SPIRE2: variants seen among roughly 807,000 people sequenced by gnomAD.
SPIRE2 encodes spire type actin nucleation factor 2.
A neutral mutation model predicts 80.7 loss-of-function variants in SPIRE2; 76 were observed. The ratio of observed to expected loss-of-function variants is 0.94; its 90% CI spans 0.78 to 1.14. The LOEUF (loss-of-function observed/expected upper bound fraction) is 1.14. Among genes scored for constraint, SPIRE2 ranks in the 50% most tolerant of loss-of-function variants. The probability of loss-of-function intolerance (pLI) is 0.00; values close to 1 mark genes in which losing one functional copy is unlikely to be tolerated. For missense variants in SPIRE2, 1,196 were observed against 1,015.3 expected (o/e 1.18, Z -2.42); for synonymous variants, 535 against 432.6 (o/e 1.24, Z -2.94).
intron 10 of SPIRE2, among the ~76,000 whole-genome samples, chr16:89,861,301 C>T (rs1002142715): frequency 3.9e-5 from 6 of 152,190 alleles, no homozygotes; most frequent in African/African-American, 7.2e-5. Context: ...GGGGAGTGTG[C>T]GGCCCGTGGG....
chr16:89,834,356 A>G (rs866453806), intron 1 of SPIRE2, among the ~76,000 whole-genome samples: 25 of 90,864 alleles, frequency 2.8e-4, no homozygotes, highest in South Asian at 4.4e-4. Flanking sequence ...GCCTGTGCTC[A>G]CGGTTGGCCG....
At chr16:89,865,031 G>C (rs2041777334) in intron 12 of SPIRE2, among the ~76,000 whole-genome samples, 1 of 147,158 alleles carries the variant, frequency 6.8e-6, no homozygotes, top group African/African-American at 2.5e-5. Flanking sequence ...TTTTGAGAAG[G>C]AGTCTCGCTC....
At chr16:89,829,341 A>G (rs919500275) in intron 1 of SPIRE2, among the ~76,000 whole-genome samples, 2 of 152,226 alleles carry the variant, frequency 1.3e-5, no homozygotes, top group East Asian at 3.8e-4. Flanking sequence ...ATTCTTAACC[A>G]TCAACCAGAA....
At chr16:89,843,339 C>T (rs981125653) in intron 1 of SPIRE2, among the ~76,000 whole-genome samples, 3 of 152,164 alleles carry the variant, frequency 2.0e-5, no homozygotes, top group Non-Finnish European at 4.4e-5. Context: ...CGGCAAAAGG[C>T]AGGTTCGCTC....
Position 89,850,609 on chromosome 16 carries a change from G to T in SPIRE2, c.594G>T (p.Val198=). 1 of 1,517,754 alleles carries T rather than the reference G, an allele frequency of 6.6e-7. No homozygotes were observed. The highest frequency in any genetic ancestry group is 8.8e-7 in the Non-Finnish European group (1 of 1,139,032). The allele number at this position is 1,517,754 out of a possible 1,614,324, so 94.0% of individuals were successfully genotyped here. ...HYQAVCRALF[V]ETLELRAFLA... is the part of the protein sequence containing the mutation. ...AGGCCGTGTGCCGCGCGCTCTTCGTGGAGACGCTGGAGCTGCGGGCCTTCC... is the reference window on the plus strand; with the variant it reads ...AGGCCGTGTGCCGCGCGCTCTTCGTTGAGACGCTGGAGCTGCGGGCCTTCC... The change falls in exon 3 of 15, where the codon GTG becomes GTT. Residue 198 remains valine, a synonymous_variant. Transcript: ENST00000378247.
Position 89,828,775 on chromosome 16 carries a change from G to A in SPIRE2, c.225G>A (p.Ala75=). Residue 75 remains alanine (A), a synonymous_variant, in exon 1 of 15, where the codon GCG becomes GCA. Transcript: ENST00000378247. This position sits in a 1 kb window ranked among gnomAD's most constrained non-coding sequence, Gnocchi z 5.9. ...TGCGCGGGGACGGCTCGGTCGGGGC[G>A]CGGGAGCCCGAGGCCGCGGGTGAGG... ...LLLRGDGSVG[A]REPEAAEPAT... The A allele has an allele frequency of 2.5e-6, 3 of 1,185,922 alleles. No homozygotes were observed. Among genetic ancestry groups the A allele is most frequent in the Non-Finnish European group, 3.1e-6 (3 of 958,618 alleles). 73.5% of individuals were successfully genotyped at this position (1,185,922 alleles called of 1,614,324 possible).
rs1424199016 is a variant in SPIRE2, at chr16:89,863,693, T to G, written c.1710+83T>G. 6.2e-7 allele frequency: 1 copy of G among 1,611,820 alleles called. No homozygotes were observed. Among genetic ancestry groups the G allele is most frequent in the Non-Finnish European group, 8.5e-7 (1 of 1,178,196 alleles). ...GAGAGGGCCAGTTCCCAGGACTGTT[T>G]GCTCATGATCTGGTTGGGAGCCCTG... On this transcript the variant is annotated intron_variant, in intron 11 of 14. Transcript: ENST00000378247. This position sits in a 1 kb window ranked among gnomAD's most constrained non-coding sequence, Gnocchi z 4.3.
At chr16:89,840,040 A>G (rs994775492) in intron 1 of SPIRE2, among the ~76,000 whole-genome samples, 2 of 152,198 alleles carry the variant, frequency 1.3e-5, no homozygotes, top group Non-Finnish European at 2.9e-5. Flanking sequence ...CAGTAGCCAC[A>G]GGTTGGTCAG....
At chr16:89,864,068 C>G (rs1288740865) in intron 12 of SPIRE2, among the ~76,000 whole-genome samples, 1 of 152,096 alleles carries the variant, frequency 6.6e-6, no homozygotes, top group Non-Finnish European at 1.5e-5. Flanking sequence ...CTAAGCAACT[C>G]CCAGTTTCAG....
chr16:89,865,524 A>G (rs571014056), intron 12 of SPIRE2, among the ~76,000 whole-genome samples: 2 of 152,330 alleles, frequency 1.3e-5, no homozygotes, highest in Admixed American at 1.3e-4. Flanking sequence ...TTAATCCAAA[A>G]AAAGGTAGGA....
chr16:89,855,671 G>A lies in SPIRE2; in HGVS notation c.963G>A (p.Arg321=), dbSNP rs755673083. 3 of 1,612,798 alleles carry A rather than the reference G, an allele frequency of 1.9e-6. No homozygotes were observed. The Admixed American group carries it at 5.0e-5, about 27-fold the overall frequency. ...HELILDFIRS[R]PPLKQVSERR... is the part of the protein sequence containing the mutation. ...TCATCCTGGACTTTATCCGCTCACG[G>A]CCTCCACTGAAGCAGGTGCTGCCCC... The change falls in exon 6 of 15, where the codon CGG becomes CGA. Residue 321 remains arginine (R), a synonymous_variant. Coordinates refer to ENST00000378247, the MANE Select transcript of SPIRE2 (RefSeq NM_032451.2).
chr16:89,833,194 G>C (rs925959601), intron 1 of SPIRE2, among the ~76,000 whole-genome samples: 1 of 151,892 alleles, frequency 6.6e-6, no homozygotes, highest in Non-Finnish European at 1.5e-5. Context: ...TCACCATGTT[G>C]GCCAGGCTGG....
At chr16:89,869,053 A>AAAAAATATATAT in intron 13 of SPIRE2, among the ~76,000 whole-genome samples, 1 of 24,030 alleles carries the variant, frequency 4.2e-5, no homozygotes, top group African/African-American at 1.6e-4. Context: ...AAAAAAAAAA[A>AAAAAATATATAT]ATATATATAT....
chr16:89,850,946 C>T (rs1463991497), intron 3 of SPIRE2, among the ~76,000 whole-genome samples: 2 of 152,106 alleles, frequency 1.3e-5, no homozygotes, highest in African/African-American at 4.8e-5. Flanking sequence ...AAGCAATTCT[C>T]CTGCCACAGG....
rs573501733 is a variant in SPIRE2, at chr16:89,868,123, G to A, written c.1779-66G>A. On this transcript the variant is annotated intron_variant, in intron 12 of 14. Transcript: ENST00000378247. ...CTCGGATGCGTGGAGGCCGGGATGC[G>A]ACTGTTTCTCAGCTGTTTGTGGGCT... is the stretch of plus-strand genomic sequence containing the variant. 1.9e-5 allele frequency: 31 copies of A among 1,591,568 alleles called. No individual in the cohort carries two copies. In the Middle Eastern group the frequency reaches 6.6e-4, roughly 34 times the overall value.
chr16:89,848,798 C>CT (rs1254139390), intron 2 of SPIRE2, among the ~76,000 whole-genome samples: 2 of 149,780 alleles, frequency 1.3e-5, no homozygotes, highest in Non-Finnish European at 3.0e-5. Context: ...TGTGGTGTTT[C>CT]TGCAGGACAG....
rs2143767580 is a variant in SPIRE2, at chr16:89,828,575, G to T, written c.25G>T (p.Gly9Cys). The T allele has an allele frequency of 1.7e-6, 2 of 1,163,518 alleles. No individual in the cohort carries two copies. Among genetic ancestry groups the T allele is most frequent in the Non-Finnish European group, 2.1e-6 (2 of 947,298 alleles). 72.1% of individuals were successfully genotyped at this position (1,163,518 alleles called of 1,614,324 possible). MARAGSCG[G>C]AAAGAGRPEP... ...CATGGCCCGGGCGGGCAGCTGCGGC[G>T]GCGCCGCGGCGGGCGCAGGGCGGCC... The change falls in exon 1 of 15, where the codon GGC (glycine) becomes TGC (cysteine). Residue 9 changes from glycine (G) to cysteine (C), a missense_variant. Transcript: ENST00000378247. This position sits in a 1 kb window ranked among gnomAD's most constrained non-coding sequence, Gnocchi z 5.9.
rs55796109 is a variant in SPIRE2, at chr16:89,834,286, G to A, written c.244+5492G>A. On this transcript the variant is annotated intron_variant, in intron 1 of 14. Transcript: ENST00000378247. Reference sequence around the variant, plus strand: ...CGTGTGAATCTGTGAACCTGCCCGCGCTCGCGGTTGGCCGTCGTAGAAGGC... The same window carrying A: ...CGTGTGAATCTGTGAACCTGCCCGCACTCGCGGTTGGCCGTCGTAGAAGGC... Among the ~76,000 whole-genome samples the A allele has an allele frequency of 3.5e-3, 308 of 87,682 alleles. 1 individual carries two copies. The highest frequency in any genetic ancestry group is 0.024 in the Middle Eastern group (3 of 126). The allele number at this position is 87,682 out of a possible 152,430, so 57.5% of individuals were successfully genotyped here.
intron 1 of SPIRE2, among the ~76,000 whole-genome samples, chr16:89,837,080 G>T (rs1215014149): frequency 6.6e-6 from 1 of 152,156 alleles, no homozygotes; most frequent in Admixed American, 6.5e-5. Context: ...AGCTGCCCGT[G>T]CCTGGCCCGT....
Sources: gnomAD v4.1 joint callset for allele counts (sites outside exome capture counted in the v4.1 genomes callset) on GRCh38, gnomAD v4.1.1 for gene constraint, Gnocchi (gnomAD v3.1) non-coding constraint, MANE v1.5 for transcripts, NCBI Gene and HGNC (gene_info 2026-07-23, HGNC 2026-07-21) for gene names.